Variants in DGKI observed in about 807,000 individuals in gnomAD.
DGKI encodes the protein DAG kinase iota.
A neutral mutation model predicts 147.5 loss-of-function variants in DGKI; 55 were observed. The observed-to-expected ratio is 0.37, with a 90% CI of 0.30 to 0.47. The LOEUF (loss-of-function observed/expected upper bound fraction) is 0.47. Ranked by LOEUF, DGKI falls within the 20% of genes least tolerant of loss-of-function variation. The pLI, the probability that DGKI is intolerant of heterozygous loss-of-function variation, is 1.00. For missense variants in DGKI, 1,007 were observed against 1,323.8 expected, an observed-to-expected ratio of 0.76 and a Z score of 3.71; for synonymous variants, 469 against 477.1, an observed-to-expected ratio of 0.98 and a Z score of 0.22.
intron 1 of DGKI, among the ~76,000 whole-genome samples, chr7:137,785,864 C>A (rs999190855): frequency 6.6e-6 from 1 of 152,032 alleles, no homozygotes; most frequent in Non-Finnish European, 1.5e-5. Context: ...GAATTGAAAA[C>A]AAAAATCACA....
In DGKI at chr7:137,382,599, T is replaced by A. The variant is rs1811085869; in HGVS notation, c.*8621A>T. 6.6e-6 allele frequency: 1 copy of A among 152,160 alleles called. No homozygotes were observed. Among genetic ancestry groups the A allele is most frequent in the Non-Finnish European group, 1.5e-5 (1 of 68,004 alleles). 9.4% of individuals were successfully genotyped at this position (152,160 alleles called of 1,614,324 possible). A position where few individuals can be genotyped will look rare whatever the true frequency, so the allele number is the denominator to read the frequency against. ...AAATTTAATCTTTCTGTATGTTTCC[T>A]GAGTTTGATTTTCAATATCTGCTAA... On this transcript the variant is annotated 3_prime_UTR_variant, in exon 33 of 33. Coordinates refer to ENST00000614521, the MANE Select transcript of DGKI (RefSeq NM_001321708.2).
At chr7:137,688,362 G>A (rs954481890) in intron 2 of DGKI, among the ~76,000 whole-genome samples, 1 of 152,094 alleles carries the variant, frequency 6.6e-6, no homozygotes, top group African/African-American at 2.4e-5. Flanking sequence ...TGGCTGCACA[G>A]TTTACAAAAA....
intron 1 of DGKI, among the ~76,000 whole-genome samples, chr7:137,710,018 A>T (rs1366742397): frequency 6.6e-6 from 1 of 151,994 alleles, no homozygotes; most frequent in Non-Finnish European, 1.5e-5. Flanking sequence ...GCATTAAGAG[A>T]CATAGAGAAG....
chr7:137,475,992 C>G (rs950534966), intron 23 of DGKI, among the ~76,000 whole-genome samples: 1 of 152,120 alleles, frequency 6.6e-6, no homozygotes, highest in African/African-American at 2.4e-5. Flanking sequence ...AAAGCCCTTT[C>G]CTTTCAAAGT....
At chr7:137,426,906 C>G (rs955564657) in intron 28 of DGKI, among the ~76,000 whole-genome samples, 2 of 151,872 alleles carry the variant, frequency 1.3e-5, no homozygotes, top group Admixed American at 1.3e-4. Context: ...AAAGCAAGTC[C>G]TGAGTGACCT....
At chr7:137,473,877 T>G (rs966318812) in intron 23 of DGKI, among the ~76,000 whole-genome samples, 1 of 152,200 alleles carries the variant, frequency 6.6e-6, no homozygotes, top group Non-Finnish European at 1.5e-5. Flanking sequence ...AAACAATACA[T>G]CATTACTTAA....
chr7:137,743,355 T>C (rs1299615236), intron 1 of DGKI, among the ~76,000 whole-genome samples: 2 of 152,232 alleles, frequency 1.3e-5, no homozygotes, highest in African/African-American at 4.8e-5. Flanking sequence ...TGGAGCATAC[T>C]GTAAAAAGTA....
At chr7:137,604,622 C>T (rs986828242) in intron 10 of DGKI, among the ~76,000 whole-genome samples, 11 of 152,164 alleles carry the variant, frequency 7.2e-5, no homozygotes, top group African/African-American at 2.7e-4. Flanking sequence ...CATACTTCTA[C>T]CCCAGGATTC....
At chr7:137,529,419 A>G (rs1817264049) in intron 20 of DGKI, among the ~76,000 whole-genome samples, 1 of 152,180 alleles carries the variant, frequency 6.6e-6, no homozygotes. Flanking sequence ...GGACCACTCA[A>G]AAGAATTCTG....
chr7:137,600,084 G>A (rs1554439675), intron 10 of DGKI, among the ~76,000 whole-genome samples, 179 bp from the exon 11 acceptor site: 1 of 152,066 alleles, frequency 6.6e-6, no homozygotes, highest in Non-Finnish European at 1.5e-5. Context: ...AGGAGTTTGA[G>A]ACCAGCCTAG....
chr7:137,717,722 G>C (rs1794421742), intron 1 of DGKI, among the ~76,000 whole-genome samples: 1 of 152,150 alleles, frequency 6.6e-6, no homozygotes. Flanking sequence ...GCGGGGAAGT[G>C]AGGCATGGAG....
At chr7:137,519,430 C>T (rs1563065281) in intron 21 of DGKI, among the ~76,000 whole-genome samples, 1 of 152,042 alleles carries the variant, frequency 6.6e-6, no homozygotes, top group Admixed American at 6.6e-5. Context: ...AGAAATGGAA[C>T]TAACTTCAAA....
intron 5 of DGKI, among the ~76,000 whole-genome samples, chr7:137,646,613 C>A (rs116571822): frequency 2.0e-3 from 312 of 152,248 alleles, no homozygotes; most frequent in African/African-American, 7.4e-3. Context: ...GACACCAATA[C>A]CCCTAAAGTA....
At chr7:137,675,633 C>T (rs933992504) in intron 3 of DGKI, among the ~76,000 whole-genome samples, 1 of 145,160 alleles carries the variant, frequency 6.9e-6, no homozygotes, top group Admixed American at 7.1e-5. Context: ...TGCAGTGAGC[C>T]GAGATCACAC....
intron 1 of DGKI, among the ~76,000 whole-genome samples, chr7:137,816,362 ATACC>A (rs1368321941): frequency 6.6e-6 from 1 of 152,220 alleles, no homozygotes; most frequent in Non-Finnish European, 1.5e-5. Context: ...AAATAATCAG[ATACC>A]TACCCCCTGA....
At chr7:137,461,872 A>G (rs1487324151) in intron 27 of DGKI, among the ~76,000 whole-genome samples, 1 of 152,224 alleles carries the variant, frequency 6.6e-6, no homozygotes, top group Non-Finnish European at 1.5e-5. Flanking sequence ...ATCCCTAAAA[A>G]GATAGTTTAA....
intron 6 of DGKI, among the ~76,000 whole-genome samples, chr7:137,627,856 T>C (rs1178478374): frequency 6.6e-6 from 1 of 152,190 alleles, no homozygotes; most frequent in Non-Finnish European, 1.5e-5. Context: ...GTTGGCTGAG[T>C]GATCTTAGGC....
In DGKI at chr7:137,391,287, G is replaced by A. The variant is rs1811354109; in HGVS notation, c.3107C>T (p.Ala1036Val). ...RAQQAGDPDL[A>V]AYLESRQNYK... ...GTTCTGACGGCTTTCTAGGTAAGCA[G>A]CCAAGTCTGGGTCCCCAGCCTGCTG... Residue 1036 changes from alanine (A) to valine (V), a missense_variant, in exon 33 of 33, where the codon GCT (alanine) becomes GTT (valine). Ala to Val is a moderately conservative substitution (Grantham distance 64, BLOSUM62 0). Around this residue, in one of 5 missense-constraint regions of DGKI, gnomAD observed 385 missense variants for 445.2 expected, o/e 0.86. Coordinates refer to ENST00000614521, the MANE Select transcript of DGKI (RefSeq NM_001321708.2). The A allele has an allele frequency of 6.2e-7, 1 of 1,613,210 alleles. No homozygotes were observed. Among genetic ancestry groups the A allele is most frequent in the African/African-American group, 1.3e-5 (1 of 74,754 alleles).
chr7:137,421,931 C>G (rs1214611545), intron 28 of DGKI, among the ~76,000 whole-genome samples: 1 of 152,054 alleles, frequency 6.6e-6, no homozygotes, highest in Non-Finnish European at 1.5e-5. Context: ...CCTTACTGGC[C>G]CCTGCTACAC....
Sources: allele counts gnomAD v4.1 joint callset (sites outside exome capture counted in the v4.1 genomes callset), GRCh38; gene constraint gnomAD v4.1.1; regional missense constraint gnomAD v4.1.1; transcripts MANE v1.5; gene names NCBI Gene and HGNC (gene_info 2026-07-23, HGNC 2026-07-21).